Variants in SLC7A5 observed in about 807,000 individuals in gnomAD.
SLC7A5 encodes the protein large neutral amino acids transporter small subunit 1.
A neutral mutation model predicts 50.2 loss-of-function variants in SLC7A5; 23 were observed. The ratio of observed to expected loss-of-function variants is 0.46; its 90% CI spans 0.33 to 0.65. SLC7A5 has a LOEUF of 0.65. Ranked by LOEUF, SLC7A5 falls within the 30% of genes least tolerant of loss-of-function variation. The pLI, the probability that SLC7A5 is intolerant of heterozygous loss-of-function variation, is 0.02. For missense variants in SLC7A5, 578 were observed against 684.4 expected, an observed-to-expected ratio of 0.84 and a Z score of 1.73; for synonymous variants, 393 against 330.6, an observed-to-expected ratio of 1.19 and a Z score of -2.05.
At position 87,861,053 on chromosome 16, in the gene SLC7A5, G is replaced by C. The variant is rs1412924504; in HGVS notation, c.538+7832C>G. 6.6e-6 allele frequency among the ~76,000 whole-genome samples: 1 copy of C among 152,220 alleles called. No individual in the cohort carries two copies. Among genetic ancestry groups the C allele is most frequent in the Non-Finnish European group, 1.5e-5 (1 of 68,032 alleles). ...TTGGAAAAGGGCAGCAGCGGGAAGA[G>C]GGTGCTGCCACAGGGCCTCTGGGGA... On this transcript the variant is annotated intron_variant, in intron 1 of 9. Transcript: ENST00000261622. The surrounding 1 kb of genome is among the most constrained non-coding windows in gnomAD (Gnocchi z 4.2).
intron 2 of SLC7A5, among the ~76,000 whole-genome samples, chr16:87,848,746 G>A (rs1207083041): frequency 2.0e-5 from 3 of 152,186 alleles, no homozygotes; most frequent in Non-Finnish European, 2.9e-5. Context: ...TCCCCACTGC[G>A]ACTCTCCCAT....
intron 1 of SLC7A5, 87 bp from the exon 2 acceptor site, chr16:87,851,936 C>T (rs752922795): frequency 4.1e-5 from 62 of 1,520,142 alleles, no homozygotes; most frequent in Non-Finnish European, 5.3e-5. Context: ...CCCACCCCCA[C>T]CCCAGGGCCA....
intron 3 of SLC7A5, among the ~76,000 whole-genome samples, chr16:87,840,737 C>T (rs1043576524): frequency 6.6e-6 from 1 of 152,140 alleles, no homozygotes; most frequent in African/African-American, 2.4e-5. Flanking sequence ...CCCGCCTGAG[C>T]GCAGGAGTCA....
chr16:87,866,604 T>A (rs1232536568), intron 1 of SLC7A5, among the ~76,000 whole-genome samples: 2 of 152,132 alleles, frequency 1.3e-5, no homozygotes, highest in African/African-American at 4.8e-5. Flanking sequence ...TAGCTGGGAT[T>A]ACAGGCATCT....
chr16:87,853,480 T>C lies in SLC7A5; in HGVS notation c.539-1631A>G, dbSNP rs2055265435. Among the ~76,000 whole-genome samples the C allele has an allele frequency of 6.6e-6, 1 of 151,934 alleles. No individual in the cohort carries two copies. On this transcript the variant is annotated intron_variant, in intron 1 of 9. Transcript: ENST00000261622. This position sits in a 1 kb window ranked among gnomAD's most constrained non-coding sequence, Gnocchi z 4.4. Reference sequence around the variant, plus strand: ...CCACTCCTCACCCAAACTGAAGAGGTGATTCTTCACCTCTTCCCAGGGCTC... The same window carrying C: ...CCACTCCTCACCCAAACTGAAGAGGCGATTCTTCACCTCTTCCCAGGGCTC...
chr16:87,833,111 CCCTGCTG>C lies in SLC7A5; in HGVS notation c.1469-93_1469-87del. On this transcript the variant is annotated intron_variant, in intron 9 of 9. Coordinates refer to ENST00000261622, the MANE Select transcript of SLC7A5 (RefSeq NM_003486.7). This position sits in a 1 kb window ranked among gnomAD's most constrained non-coding sequence, Gnocchi z 6.0. ...GGGGCGTGAGCTGGGGCTCCCCCAGCCCTGCTGTCACCAAACCCAGCGCCGCTGCCCA... is the reference window on the plus strand; with the variant it reads ...GGGGCGTGAGCTGGGGCTCCCCCAGCTCACCAAACCCAGCGCCGCTGCCCA... The C allele has an allele frequency of 8.8e-7, 1 of 1,142,392 alleles. No homozygotes were observed. Among genetic ancestry groups the C allele is most frequent in the Non-Finnish European group, 1.3e-6 (1 of 751,800 alleles). 70.8% of individuals were successfully genotyped at this position (1,142,392 alleles called of 1,614,324 possible).
intron 5 of SLC7A5, among the ~76,000 whole-genome samples, chr16:87,839,224 G>A (rs1465655763): frequency 6.6e-6 from 1 of 152,226 alleles, no homozygotes; most frequent in East Asian, 1.9e-4. Flanking sequence ...CCAGCCCTGG[G>A]AGGGCAGTGG....
chr16:87,842,557 G>A (rs988977421), intron 2 of SLC7A5, among the ~76,000 whole-genome samples: 1 of 152,238 alleles, frequency 6.6e-6, no homozygotes, highest in African/African-American at 2.4e-5. Flanking sequence ...CCCAGTTCCT[G>A]TTTTGCACCT....
intron 8 of SLC7A5, among the ~76,000 whole-genome samples, chr16:87,836,047 C>G (rs1188218160): frequency 6.6e-6 from 1 of 152,220 alleles, no homozygotes; most frequent in East Asian, 1.9e-4. Flanking sequence ...TAACAGCTAC[C>G]CCTCTGAATG....
chr16:87,863,986 A>AAAAAAAAAAAATATAT (rs376938738), intron 1 of SLC7A5, among the ~76,000 whole-genome samples: 2 of 83,280 alleles, frequency 2.4e-5, no homozygotes, highest in Admixed American at 1.4e-4. Flanking sequence ...ATCATTTAAA[A>AAAAAAAAAAAATATAT]ATATATATAT....
chr16:87,837,713 C>G (rs979211640), intron 7 of SLC7A5, 132 bp downstream of exon 7: 12 of 702,130 alleles, frequency 1.7e-5, no homozygotes, highest in African/African-American at 8.8e-5. Context: ...CAGCGGAGCT[C>G]GGCAGGAGGC....
chr16:87,855,549 C>T (rs4240801), intron 1 of SLC7A5, among the ~76,000 whole-genome samples: 61,191 of 151,590 alleles, frequency 0.4, 13,264 homozygotes, highest in East Asian at 0.79. Flanking sequence ...GGGGGGATGA[C>T]TCTCTGAGGT....
At chr16:87,848,006 A>G (rs2055174911) in intron 2 of SLC7A5, among the ~76,000 whole-genome samples, 1 of 152,118 alleles carries the variant, frequency 6.6e-6, no homozygotes, top group Non-Finnish European at 1.5e-5. Flanking sequence ...AGCTCAGCAA[A>G]GCCATTCAGC....
chr16:87,864,857 G>T (rs2055441453), intron 1 of SLC7A5, among the ~76,000 whole-genome samples: 1 of 152,222 alleles, frequency 6.6e-6, no homozygotes, highest in South Asian at 2.1e-4. Context: ...ACGGTCTTAA[G>T]ATTATGCGAG....
At chr16:87,857,702 T>G (rs2003310) in intron 1 of SLC7A5, among the ~76,000 whole-genome samples, 4,128 of 152,360 alleles carry the variant, frequency 0.027, 188 homozygotes, top group African/African-American at 0.094. Flanking sequence ...CCCAAGGCCC[T>G]GGCCCCACCT....
At chr16:87,847,868 G>A (rs56225907) in intron 2 of SLC7A5, among the ~76,000 whole-genome samples, 6,609 of 152,280 alleles carry the variant, frequency 0.043, 208 homozygotes, top group Non-Finnish European at 0.067. Flanking sequence ...CACAAATGCA[G>A]GCCCCTGCCC....
chr16:87,855,755 T>C (rs1437564454), intron 1 of SLC7A5, among the ~76,000 whole-genome samples: 1 of 151,964 alleles, frequency 6.6e-6, no homozygotes, highest in Non-Finnish European at 1.5e-5. Flanking sequence ...AACAGGTGTG[T>C]TCAATATGGA....
intron 2 of SLC7A5, 67 bp downstream of exon 2, chr16:87,851,657 T>C: frequency 6.3e-7 from 1 of 1,581,606 alleles, no homozygotes; most frequent in South Asian, 1.1e-5. Flanking sequence ...CGGGACCTCA[T>C]GCCCTGTGAA....
intron 8 of SLC7A5, among the ~76,000 whole-genome samples, chr16:87,834,837 C>T (rs1419812813): frequency 6.6e-6 from 1 of 152,242 alleles, no homozygotes; most frequent in Non-Finnish European, 1.5e-5. Context: ...GAGACAGCTT[C>T]GTCTCCCGAG....
Sources: allele counts gnomAD v4.1 joint callset (sites outside exome capture counted in the v4.1 genomes callset), GRCh38; gene constraint gnomAD v4.1.1; non-coding constraint Gnocchi (gnomAD v3.1); transcripts MANE v1.5; gene names NCBI Gene and HGNC (gene_info 2026-07-23, HGNC 2026-07-21).